XIRP2: variants seen among roughly 807,000 people sequenced by gnomAD.
XIRP2 encodes the protein xin actin-binding repeat-containing protein 2.
In XIRP2, 236 loss-of-function variants were observed where a neutral mutation model predicts 277.0. That is an observed-to-expected ratio of 0.85 (90% CI 0.77 to 0.95). The LOEUF (loss-of-function observed/expected upper bound fraction) is 0.95, where lower values mean the gene tolerates loss of function less well. XIRP2 is among the 40% of genes least tolerant of loss of function. XIRP2 has a pLI of 0.00. For missense variants in XIRP2, 4,640 were observed against 4,157.5 expected, an observed-to-expected ratio of 1.12 and a Z score of -3.19; for synonymous variants, 1,490 against 1,416.5, an observed-to-expected ratio of 1.05 and a Z score of -1.17.
chr2:166,898,544 T>C (rs1371076828), intron 1 of XIRP2, among the ~76,000 whole-genome samples: 5 of 152,158 alleles, frequency 3.3e-5, no homozygotes, highest in Admixed American at 6.6e-5. Flanking sequence ...GCAAAGATAG[T>C]ACAGAGAGAT....
intron 3 of XIRP2, among the ~76,000 whole-genome samples, chr2:167,152,431 C>G (rs908299410): frequency 6.6e-6 from 1 of 151,964 alleles, no homozygotes; most frequent in African/African-American, 2.4e-5. Context: ...AAAGCACTCA[C>G]GTTCAACAAT....
At chr2:167,002,313 T>C (rs1687394799) in intron 2 of XIRP2, among the ~76,000 whole-genome samples, 1 of 152,048 alleles carries the variant, frequency 6.6e-6, no homozygotes, top group South Asian at 2.1e-4. Flanking sequence ...AAATTCATCA[T>C]GTAGGCAAAT....
At chr2:167,023,275 G>A (rs1358789660) in intron 2 of XIRP2, among the ~76,000 whole-genome samples, 1 of 149,108 alleles carries the variant, frequency 6.7e-6, no homozygotes, top group African/African-American at 2.5e-5. Context: ...GTCTGTTCAT[G>A]TCCTTCACCC....
chr2:167,179,894 C>T (rs1004702391), intron 3 of XIRP2, among the ~76,000 whole-genome samples: 3 of 152,094 alleles, frequency 2.0e-5, no homozygotes, highest in East Asian at 1.9e-4. Context: ...GTCATCCTTT[C>T]GCCCCACACA....
chr2:167,242,380 G>A (rs1695098539), intron 8 of XIRP2, among the ~76,000 whole-genome samples, 189 bp from the exon 9 acceptor site: 1 of 152,088 alleles, frequency 6.6e-6, no homozygotes, highest in Non-Finnish European at 1.5e-5. Context: ...AGTAAAAATG[G>A]ATTATAGGAG....
chr2:166,895,034 A>G (rs1260220366), intron 1 of XIRP2, among the ~76,000 whole-genome samples: 1 of 152,092 alleles, frequency 6.6e-6, no homozygotes, highest in Non-Finnish European at 1.5e-5. Flanking sequence ...GTCCTGTGGC[A>G]GGAGAGAAAA....
chr2:167,243,923 T>C lies in XIRP2; in HGVS notation c.2531T>C (p.Met844Thr), dbSNP rs1325072980. ...IGTDVSRKCW[M>T]FETQPLDILK... The stretch of plus-strand genomic sequence containing the variant: ...ACAGATGTCTCCAGAAAGTGTTGGA[T>C]GTTTGAAACCCAGCCATTAGACATT... The change falls in exon 9 of 11, where the codon ATG becomes ACG. Residue 844 changes from methionine (M) to threonine (T), a missense_variant. Transcript: ENST00000409195. The C allele has an allele frequency of 6.2e-7, 1 of 1,613,958 alleles. No individual in the cohort carries two copies. The highest frequency in any genetic ancestry group is 8.5e-7 in the Non-Finnish European group (1 of 1,179,978).
At chr2:166,911,481 T>C (rs1684698217) in intron 2 of XIRP2, among the ~76,000 whole-genome samples, 2 of 152,314 alleles carry the variant, frequency 1.3e-5, no homozygotes, top group Admixed American at 1.3e-4. Flanking sequence ...CCTTCATCCC[T>C]TTATTTTGAG....
intron 2 of XIRP2, among the ~76,000 whole-genome samples, chr2:167,099,153 T>C (rs1015755944): frequency 1.3e-5 from 2 of 152,192 alleles, no homozygotes; most frequent in Non-Finnish European, 2.9e-5. Flanking sequence ...GGGAGGTTTA[T>C]CTATAAGCTC....
chr2:166,911,658 T>A (rs1684703799), intron 2 of XIRP2, among the ~76,000 whole-genome samples: 1 of 152,216 alleles, frequency 6.6e-6, no homozygotes, highest in Admixed American at 6.5e-5. Context: ...CATTATGATG[T>A]TAGCTGGTTA....
chr2:167,036,966 C>T (rs993881727), intron 2 of XIRP2, among the ~76,000 whole-genome samples: 2 of 152,092 alleles, frequency 1.3e-5, no homozygotes, highest in African/African-American at 4.8e-5. Context: ...GTGCCTTTCA[C>T]CCTCCGCCAT....
chr2:166,935,009 C>A (rs761802004), intron 2 of XIRP2, among the ~76,000 whole-genome samples: 3 of 149,092 alleles, frequency 2.0e-5, no homozygotes, highest in African/African-American at 4.9e-5. Context: ...CCAGCCTGGG[C>A]GACAGAGGGC....
chr2:166,940,898 C>A (rs922946454), intron 2 of XIRP2, among the ~76,000 whole-genome samples: 30 of 152,146 alleles, frequency 2.0e-4, no homozygotes. Flanking sequence ...GGGTCAGGGA[C>A]CCACTTGAGG....
chr2:167,036,589 C>T (rs1688512810), intron 2 of XIRP2, among the ~76,000 whole-genome samples: 1 of 152,104 alleles, frequency 6.6e-6, no homozygotes, highest in Non-Finnish European at 1.5e-5. Flanking sequence ...GCAGAAGGGA[C>T]TTGCCTTCTC....
At chr2:166,904,237 G>A (rs1402306222) in intron 2 of XIRP2, among the ~76,000 whole-genome samples, 2 of 152,118 alleles carry the variant, frequency 1.3e-5, no homozygotes, top group East Asian at 1.9e-4. Context: ...TTAACAAATG[G>A]TGTTGCTTTT....
Position 167,248,402 on chromosome 2 carries a change from A to G in XIRP2, c.7010A>G (p.Glu2337Gly). Residue 2337 changes from glutamate (E) to glycine (G), a missense_variant, in exon 9 of 11, where the codon GAA (glutamate) becomes GGA (glycine). By Grantham distance (98) the Glu-to-Gly change is moderately conservative (BLOSUM62 -2). Coordinates refer to ENST00000409195, the MANE Select transcript of XIRP2 (RefSeq NM_152381.6). ...CTGTCCACAGAGAAGATAAAGGCTG[A>G]ATTTGAAAGTTTTCCAGGCCTCCCT... ...PSLSTEKIKA[E>G]FESFPGLPLP... 1 of 1,613,732 alleles carries G rather than the reference A, an allele frequency of 6.2e-7. No individual in the cohort carries two copies. The highest frequency in any genetic ancestry group is 8.5e-7 in the Non-Finnish European group (1 of 1,179,818).
chr2:167,037,026 C>CT (rs1171315270), intron 2 of XIRP2, among the ~76,000 whole-genome samples: 2 of 152,130 alleles, frequency 1.3e-5, no homozygotes, highest in Non-Finnish European at 2.9e-5. Flanking sequence ...AGTTAAACCT[C>CT]TTTTTTTCTT....
At chr2:167,046,979 T>G (rs1051598507) in intron 2 of XIRP2, among the ~76,000 whole-genome samples, 61 of 151,798 alleles carry the variant, frequency 4.0e-4, no homozygotes, top group Non-Finnish European at 8.4e-4. Flanking sequence ...AACACTATTC[T>G]CCAACATTAA....
At chr2:167,145,608 G>T (rs1186310463) in intron 3 of XIRP2, among the ~76,000 whole-genome samples, 1 of 152,122 alleles carries the variant, frequency 6.6e-6, no homozygotes, top group Non-Finnish European at 1.5e-5. Flanking sequence ...AAAAAGAAAT[G>T]AATGTCAAAT....
Sources: allele counts gnomAD v4.1 joint callset (sites outside exome capture counted in the v4.1 genomes callset), GRCh38; gene constraint gnomAD v4.1.1; transcripts MANE v1.5; gene names NCBI Gene and HGNC (gene_info 2026-07-23, HGNC 2026-07-21).